The following GSAP variants were observed in gnomAD, a reference collection of about 807,000 sequenced individuals.
The protein encoded by GSAP is gamma-secretase activating protein.
Under a neutral mutation model 131.7 loss-of-function variants are expected in GSAP, and 118 were observed. That is an observed-to-expected ratio of 0.90 (90% CI 0.77 to 1.04). GSAP has a LOEUF of 1.04. Among genes scored for constraint, GSAP ranks in the 50% least tolerant of loss-of-function variants. The pLI, the probability that GSAP is intolerant of heterozygous loss-of-function variation, is 0.00. For synonymous variants in GSAP, 381 were observed against 363.4 expected (o/e 1.05, Z -0.55); for missense variants, 1,019 against 1,013.2 (o/e 1.01, Z -0.08).
At chr7:77,396,886 T>C (rs1583850128) in intron 5 of GSAP, 96 bp downstream of exon 5, 2 of 682,076 alleles carry the variant, frequency 2.9e-6, no homozygotes, top group East Asian at 5.6e-5. Flanking sequence ...ATAAGGCTAT[T>C]TCTAAAGATG....
At chr7:77,346,035 CGAG>C (rs1320155243) in intron 19 of GSAP, among the ~76,000 whole-genome samples, 1 of 151,782 alleles carries the variant, frequency 6.6e-6, no homozygotes, top group Admixed American at 6.6e-5. Flanking sequence ...TTTGGGAGGC[CGAG>C]GTGGGCAGAT....
intron 26 of GSAP, chr7:77,314,964 T>C (rs1321678516): frequency 6.5e-6 from 1 of 153,518 alleles, no homozygotes; most frequent in Non-Finnish European, 1.4e-5. Flanking sequence ...CTACTTGGAC[T>C]AAAGTATAGA....
chr7:77,353,561 G>A lies in GSAP; in HGVS notation c.1408+11C>T. On this transcript the variant is annotated intron_variant, in intron 17 of 30. Coordinates refer to ENST00000257626, the MANE Select transcript of GSAP (RefSeq NM_017439.4). ...GTATTCAACTTAAGCTGCAACATCA[G>A]CAACACTTACCAATTATAAATTCCT... 1 of 1,589,042 alleles carries A rather than the reference G, an allele frequency of 6.3e-7. No homozygotes were observed. The highest frequency in any genetic ancestry group is 8.6e-7 in the Non-Finnish European group (1 of 1,158,738).
intron 6 of GSAP, among the ~76,000 whole-genome samples, chr7:77,383,945 G>A (rs1563083087): frequency 6.6e-6 from 1 of 152,320 alleles, no homozygotes; most frequent in East Asian, 1.9e-4. Context: ...TTATAGTTGA[G>A]TTCCCTTTTA....
Position 77,311,883 on chromosome 7 carries a change from A to G in GSAP, c.2431T>C (p.Tyr811His), listed in dbSNP as rs774568596. The G allele has an allele frequency of 5.6e-6, 9 of 1,599,206 alleles. No individual in the cohort carries two copies. The South Asian group carries it at 9.9e-5, about 18-fold the overall frequency. ...ATATCTGTCAGAATTTCAATGAAGT[A>G]GTTCAGAGGCAGAAATTCTACACTG... is the stretch of plus-strand genomic sequence containing the variant. ...SFSVEFLPLN[Y>H]FIEILTDIES... Residue 811 changes from tyrosine to histidine, a missense_variant, in exon 30 of 31, where the codon TAC becomes CAC. Coordinates refer to ENST00000257626, the MANE Select transcript of GSAP (RefSeq NM_017439.4).
At chr7:77,319,626 A>T (rs1208818626) in intron 26 of GSAP, among the ~76,000 whole-genome samples, 1 of 152,254 alleles carries the variant, frequency 6.6e-6, no homozygotes, top group Non-Finnish European at 1.5e-5. Flanking sequence ...TATTCACAAT[A>T]GCCAAGATAG....
chr7:77,411,460 T>G (rs1324363535), intron 1 of GSAP, among the ~76,000 whole-genome samples: 3 of 152,266 alleles, frequency 2.0e-5, no homozygotes, highest in African/African-American at 7.2e-5. Context: ...GATCTATCTA[T>G]TATAGTGCTA....
chr7:77,384,751 G>C (rs952322628), intron 6 of GSAP, among the ~76,000 whole-genome samples: 9 of 152,132 alleles, frequency 5.9e-5, no homozygotes, highest in Non-Finnish European at 2.9e-5. Flanking sequence ...GAAATGTGCT[G>C]CTGGAGATCA....
At chr7:77,411,596 T>G (rs1033427315) in intron 1 of GSAP, among the ~76,000 whole-genome samples, 4 of 152,200 alleles carry the variant, frequency 2.6e-5, no homozygotes, top group African/African-American at 9.7e-5. Flanking sequence ...ATTCTAAGAC[T>G]TATTAAGAGT....
At chr7:77,322,817 T>C (rs1429177643) in intron 24 of GSAP, among the ~76,000 whole-genome samples, 1 of 152,186 alleles carries the variant, frequency 6.6e-6, no homozygotes, top group East Asian at 1.9e-4. Context: ...GAAACAACAC[T>C]AATGGCTGCA....
rs78230614 is a variant in GSAP, at chr7:77,338,800, A to T, written c.1546-8433T>A. On this transcript the variant is annotated intron_variant, in intron 19 of 30. Coordinates refer to ENST00000257626, the MANE Select transcript of GSAP (RefSeq NM_017439.4). ...ATATGAATCCTGAAGGGATGTAAACATTCAGACCATAGCAATATTGCAATT... is the reference window on the plus strand; with the variant it reads ...ATATGAATCCTGAAGGGATGTAAACTTTCAGACCATAGCAATATTGCAATT... Among the ~76,000 whole-genome samples the T allele has an allele frequency of 5.1e-3, 778 of 152,350 alleles. 4 individuals carry two copies. Among genetic ancestry groups the T allele is most frequent in the African/African-American group, 0.018 (736 of 41,570 alleles).
chr7:77,403,880 GAA>G (rs1801803677), intron 3 of GSAP, among the ~76,000 whole-genome samples: 1 of 152,088 alleles, frequency 6.6e-6, no homozygotes, highest in Admixed American at 6.6e-5. Flanking sequence ...GGAAAGCAAA[GAA>G]ATATAATTTT....
At chr7:77,409,902 A>T (rs1182792284) in intron 1 of GSAP, among the ~76,000 whole-genome samples, 2 of 152,178 alleles carry the variant, frequency 1.3e-5, no homozygotes, top group Non-Finnish European at 2.9e-5. Flanking sequence ...AGTGGTTCTC[A>T]ACTCTGGCTG....
At chr7:77,353,915 G>T (rs1302949109) in intron 16 of GSAP, among the ~76,000 whole-genome samples, 2 of 152,122 alleles carry the variant, frequency 1.3e-5, no homozygotes, top group Non-Finnish European at 2.9e-5. Context: ...GTTTGTGCAA[G>T]AATAGGTCAT....
Position 77,389,379 on chromosome 7 carries a change from T to TA in GSAP, c.368-1932dup, listed in dbSNP as rs200796440. Among the ~76,000 whole-genome samples the TA allele has an allele frequency of 3.7e-3, 532 of 142,572 alleles. 2 individuals carry two copies. Among genetic ancestry groups the TA allele is most frequent in the Middle Eastern group, 0.014 (4 of 282 alleles). The allele number at this position is 142,572 out of a possible 152,430, so 93.5% of individuals were successfully genotyped here. ...TAGTGAAATGCCGTCTCTACAAAAATAAAAAAAAAAACGCGTCATTTAGCA... is the reference window on the plus strand; with the variant it reads ...TAGTGAAATGCCGTCTCTACAAAAATAAAAAAAAAAAACGCGTCATTTAGCA... On this transcript the variant is annotated intron_variant, in intron 5 of 30. Transcript: ENST00000257626.
In GSAP at chr7:77,311,949, G is replaced by A; in HGVS notation, c.2374-9C>T. ...ATCATAGAATTCCGAGGCTAAAAGG[G>A]AAACCACTTCTGGTGTAAGCTGATT... On this transcript the variant is annotated splice_polypyrimidine_tract_variant and intron_variant, in intron 29 of 30. Coordinates refer to ENST00000257626, the MANE Select transcript of GSAP (RefSeq NM_017439.4). 1.3e-6 allele frequency: 2 copies of A among 1,520,826 alleles called. No individual in the cohort carries two copies. Among genetic ancestry groups the A allele is most frequent in the Non-Finnish European group, 1.8e-6 (2 of 1,095,106 alleles). The allele number at this position is 1,520,826 out of a possible 1,614,324, so 94.2% of individuals were successfully genotyped here.
At chr7:77,416,566 C>A, upstream of GSAP, 1 of 359,182 alleles carries the variant, frequency 2.8e-6, no homozygotes, top group South Asian at 8.0e-5. Context: ...CGGGGTGGAC[C>A]AGGCGCCAGG....
chr7:77,341,619 C>A (rs1790909183), intron 19 of GSAP, among the ~76,000 whole-genome samples: 2 of 152,200 alleles, frequency 1.3e-5, no homozygotes, highest in Non-Finnish European at 1.5e-5. Flanking sequence ...CAGTTCATGG[C>A]CCATTTGGCA....
intron 19 of GSAP, among the ~76,000 whole-genome samples, chr7:77,336,447 G>T (rs1025825381): frequency 3.9e-5 from 6 of 152,046 alleles, no homozygotes; most frequent in African/African-American, 1.4e-4. Context: ...CATTGCTACA[G>T]AAACAACAGG....
Sources: allele counts gnomAD v4.1 joint callset (sites outside exome capture counted in the v4.1 genomes callset), GRCh38; gene constraint gnomAD v4.1.1; transcripts MANE v1.5; gene names NCBI Gene and HGNC (gene_info 2026-07-23, HGNC 2026-07-21).